WIPI1: variants seen among roughly 807,000 people sequenced by gnomAD.
The protein encoded by WIPI1 is WD repeat domain, phosphoinositide interacting 1, also known as WD repeat domain phosphoinositide-interacting protein 1.
A neutral mutation model predicts 55.3 loss-of-function variants in WIPI1; 45 were observed. The ratio of observed to expected loss-of-function variants is 0.81; its 90% CI spans 0.64 to 1.04. The LOEUF (loss-of-function observed/expected upper bound fraction) is 1.04. Ranked by LOEUF, WIPI1 falls within the 50% of genes least tolerant of loss-of-function variation. The pLI is 0.00. For synonymous variants in WIPI1, 195 were observed against 217.6 expected, an observed-to-expected ratio of 0.90 and a Z score of 0.92; for missense variants, 445 against 559.0, an observed-to-expected ratio of 0.80 and a Z score of 2.06.
intron 6 of WIPI1, among the ~76,000 whole-genome samples, 164 bp downstream of exon 6, chr17:68,435,456 T>C (rs1348232666): frequency 6.6e-6 from 1 of 152,210 alleles, no homozygotes; most frequent in Non-Finnish European, 1.5e-5. Flanking sequence ...TGCATGAATA[T>C]ACCACACATG....
At chr17:68,435,835 TC>T in intron 5 of WIPI1, 123 bp from the exon 6 acceptor site, 1 of 858,590 alleles carries the variant, frequency 1.2e-6, no homozygotes, top group Non-Finnish European at 1.9e-6. Context: ...TCTTCCTCTG[TC>T]CCCCAGGCCA....
At chr17:68,444,232 G>A (rs2084193778) in intron 4 of WIPI1, among the ~76,000 whole-genome samples, 1 of 152,144 alleles carries the variant, frequency 6.6e-6, no homozygotes, top group Non-Finnish European at 1.5e-5. Flanking sequence ...TACGTGCCTT[G>A]ACACATTTGC....
intron 7 of WIPI1, 146 bp downstream of exon 7, chr17:68,434,410 A>T: frequency 1.4e-6 from 1 of 726,226 alleles, no homozygotes; most frequent in Non-Finnish European, 2.2e-6. Flanking sequence ...AAAGCCTGGG[A>T]GTCAATTACC....
intron 8 of WIPI1, among the ~76,000 whole-genome samples, chr17:68,431,026 C>T (rs1319508424): frequency 1.3e-5 from 2 of 152,148 alleles, no homozygotes; most frequent in African/African-American, 4.8e-5. Flanking sequence ...GCTAGGTGCA[C>T]TGCTAGGGTT....
At chr17:68,444,910 G>A (rs2084219646) in intron 3 of WIPI1, among the ~76,000 whole-genome samples, 1 of 137,200 alleles carries the variant, frequency 7.3e-6, no homozygotes, top group Non-Finnish European at 1.5e-5. Flanking sequence ...CAGGGATCCT[G>A]AACACTTTTT....
chr17:68,432,126 T>C (rs2083556602), intron 8 of WIPI1, among the ~76,000 whole-genome samples: 1 of 152,120 alleles, frequency 6.6e-6, no homozygotes, highest in Non-Finnish European at 1.5e-5. Flanking sequence ...AGCTTTGGGT[T>C]ACACCTGTGC....
intron 1 of WIPI1, among the ~76,000 whole-genome samples, chr17:68,455,204 A>G (rs147022639): frequency 6.6e-6 from 1 of 152,206 alleles, no homozygotes; most frequent in African/African-American, 2.4e-5. Context: ...TCTACTAAAA[A>G]TACAAAAAAT....
rs1022533984 is a variant in WIPI1 at position 68,447,775 on chromosome 17, G to A, written c.333+2953C>T. ...TGGGAGGCCGAGGTGGGTGGATCAC[G>A]AGGTCAGGAGATCGAGAACATCCTG... On this transcript the variant is annotated intron_variant, in intron 3 of 12. Coordinates refer to ENST00000262139, the MANE Select transcript of WIPI1 (RefSeq NM_017983.7). Among the ~76,000 whole-genome samples the A allele has an allele frequency of 5.9e-5, 9 of 152,088 alleles. No homozygotes were observed. The East Asian group carries it at 7.7e-4, about 13-fold the overall frequency.
intron 8 of WIPI1, among the ~76,000 whole-genome samples, chr17:68,430,462 A>G (rs536197006): frequency 6.6e-6 from 1 of 152,342 alleles, no homozygotes; most frequent in East Asian, 1.9e-4. Flanking sequence ...CTAGATTTCC[A>G]GAAGAGAGTT....
intron 11 of WIPI1, among the ~76,000 whole-genome samples, chr17:68,426,828 C>G (rs1404493014): frequency 6.6e-6 from 1 of 152,208 alleles, no homozygotes; most frequent in Non-Finnish European, 1.5e-5. Context: ...AGCCAATGTG[C>G]CTGGCCTCAT....
intron 2 of WIPI1, among the ~76,000 whole-genome samples, chr17:68,452,084 T>C (rs560571029): frequency 6.6e-6 from 1 of 152,226 alleles, no homozygotes; most frequent in Non-Finnish European, 1.5e-5. Context: ...TATGATGGCA[T>C]AAACCATCAC....
chr17:68,433,972 G>C (rs1275444291), intron 7 of WIPI1, among the ~76,000 whole-genome samples: 1 of 151,680 alleles, frequency 6.6e-6, no homozygotes, highest in Non-Finnish European at 1.5e-5. Context: ...TAGTAGAGAC[G>C]GTGTTTCACC....
intron 12 of WIPI1, among the ~76,000 whole-genome samples, chr17:68,424,754 G>A (rs1424902538): frequency 1.3e-5 from 2 of 152,192 alleles, no homozygotes; most frequent in African/African-American, 4.8e-5. Context: ...GCGCACATCT[G>A]TAATTGCAGC....
intron 6 of WIPI1, 107 bp from the exon 7 acceptor site, chr17:68,434,733 G>A: frequency 9.1e-7 from 1 of 1,101,554 alleles, no homozygotes; most frequent in Non-Finnish European, 1.3e-6. Context: ...TGTCTCTGAG[G>A]AGGAAGAACA....
rs753471171 is a variant in WIPI1, at chr17:68,421,743, G to T, written c.*30C>A. 6.2e-7 allele frequency: 1 copy of T among 1,614,082 alleles called. No individual in the cohort carries two copies. The highest frequency in any genetic ancestry group is 8.5e-7 in the Non-Finnish European group (1 of 1,179,998). On this transcript the variant is annotated 3_prime_UTR_variant, in exon 13 of 13. Coordinates refer to ENST00000262139, the MANE Select transcript of WIPI1 (RefSeq NM_017983.7). Reference sequence around the variant, plus strand: ...TTCTCCAAAACCACCTGATAGGGGGGATGTCCTGATTTCTGAGGTGTGCTT... The same window carrying T: ...TTCTCCAAAACCACCTGATAGGGGGTATGTCCTGATTTCTGAGGTGTGCTT...
At chr17:68,421,974 G>T in intron 12 of WIPI1, 154 bp from the exon 13 acceptor site, 1 of 817,188 alleles carries the variant, frequency 1.2e-6, no homozygotes, top group Non-Finnish European at 2.1e-6. Flanking sequence ...CCACAGAATG[G>T]TCACCCAGCT....
chr17:68,441,976 G>C (rs2084098468), intron 4 of WIPI1, among the ~76,000 whole-genome samples: 1 of 152,186 alleles, frequency 6.6e-6, no homozygotes, highest in Non-Finnish European at 1.5e-5. Flanking sequence ...GACAGAGGAA[G>C]TCTCTGCTAT....
intron 10 of WIPI1, 78 bp downstream of exon 10, chr17:68,428,751 G>T: frequency 8.8e-7 from 1 of 1,137,910 alleles, no homozygotes; most frequent in Non-Finnish European, 1.3e-6. Context: ...GGGCACTGAA[G>T]CTTGTCGTTC....
At chr17:68,452,114 C>T (rs1429518344) in intron 2 of WIPI1, among the ~76,000 whole-genome samples, 1 of 152,210 alleles carries the variant, frequency 6.6e-6, no homozygotes, top group Non-Finnish European at 1.5e-5. Context: ...ATAAGGAAGT[C>T]ACATTTCTAG....
Sources: allele counts gnomAD v4.1 joint callset (sites outside exome capture counted in the v4.1 genomes callset), GRCh38; gene constraint gnomAD v4.1.1; transcripts MANE v1.5; gene names NCBI Gene and HGNC (gene_info 2026-07-23, HGNC 2026-07-21).